The following DENND1A variants were observed in gnomAD, a reference collection of about 807,000 sequenced individuals.
DENND1A encodes DENN domain-containing protein 1A.
DENND1A carries 51 observed loss-of-function variants against 113.7 expected under a neutral mutation model. That is an observed-to-expected ratio of 0.45 (90% CI 0.36 to 0.57). The LOEUF (loss-of-function observed/expected upper bound fraction) is 0.57. Ranked by LOEUF, DENND1A falls within the 20% of genes least tolerant of loss-of-function variation. The pLI is 0.00. For synonymous variants in DENND1A, 565 were observed against 570.8 expected, an observed-to-expected ratio of 0.99 and a Z score of 0.14; for missense variants, 1,258 against 1,395.9, an observed-to-expected ratio of 0.90 and a Z score of 1.57.
intron 5 of DENND1A, among the ~76,000 whole-genome samples, chr9:123,741,220 T>G (rs975079128): frequency 1.3e-5 from 2 of 152,094 alleles, no homozygotes; most frequent in African/African-American, 4.8e-5. Context: ...TCTGCTAGAG[T>G]ATTTATGTTA....
intron 21 of DENND1A, among the ~76,000 whole-genome samples, chr9:123,391,489 A>C (rs4836922): frequency 0.03 from 4,524 of 152,282 alleles, 266 homozygotes; most frequent in East Asian, 0.18. Context: ...CACAGCAGCT[A>C]AAGGTAGAGC....
chr9:123,402,484 C>T (rs2131306151), intron 21 of DENND1A: 1 of 534,752 alleles, frequency 1.9e-6, no homozygotes, highest in Non-Finnish European at 3.8e-6. Flanking sequence ...ACCTTCTTTC[C>T]CATTTTCTGA....
chr9:123,503,630 C>T (rs2052676520), intron 13 of DENND1A, among the ~76,000 whole-genome samples: 1 of 152,156 alleles, frequency 6.6e-6, no homozygotes, highest in African/African-American at 2.4e-5. Context: ...TGAAATGTAC[C>T]CTGAAAAACT....
intron 13 of DENND1A, among the ~76,000 whole-genome samples, chr9:123,518,498 G>A (rs1460568493): frequency 6.6e-6 from 1 of 152,106 alleles, no homozygotes. Context: ...CCAGAATCCA[G>A]CTGTCCTACT....
intron 2 of DENND1A, among the ~76,000 whole-genome samples, chr9:123,814,966 T>C (rs1463572149): frequency 2.0e-5 from 3 of 152,268 alleles, no homozygotes; most frequent in Non-Finnish European, 2.9e-5. Context: ...ATAATTCCAA[T>C]GTTTGCTGAA....
intron 10 of DENND1A, among the ~76,000 whole-genome samples, chr9:123,629,033 G>C (rs756771640): frequency 6.6e-6 from 1 of 152,222 alleles, no homozygotes; most frequent in Non-Finnish European, 1.5e-5. Context: ...CTTGGGAAGA[G>C]GGTGAGCCCA....
chr9:123,749,507 A>G (rs539636703), intron 5 of DENND1A, among the ~76,000 whole-genome samples: 1 of 152,298 alleles, frequency 6.6e-6, no homozygotes, highest in East Asian at 1.9e-4. Flanking sequence ...TATCTCTCTC[A>G]GTCTCAATCC....
At chr9:123,692,465 T>C (rs572245188) in intron 5 of DENND1A, among the ~76,000 whole-genome samples, 2 of 152,312 alleles carry the variant, frequency 1.3e-5, no homozygotes, top group African/African-American at 4.8e-5. Context: ...AAAGACAGAA[T>C]GAAAGCAAAT....
intron 1 of DENND1A, among the ~76,000 whole-genome samples, chr9:123,882,964 A>G (rs1294744491): frequency 1.3e-5 from 2 of 152,128 alleles, no homozygotes; most frequent in Non-Finnish European, 2.9e-5. Context: ...GCCTCTGCCT[A>G]CCTGTCCAAC....
chr9:123,644,765 C>T (rs1283194412), intron 9 of DENND1A, among the ~76,000 whole-genome samples: 2 of 152,174 alleles, frequency 1.3e-5, no homozygotes, highest in Non-Finnish European at 2.9e-5. Flanking sequence ...TATTCATGGC[C>T]ACCTCTCCTA....
rs118050689 is a variant in DENND1A at position 123,874,273 on chromosome 9, T to C, written c.88+4678A>G. 1.0e-4 allele frequency among the ~76,000 whole-genome samples: 15 copies of C among 150,714 alleles called. No individual in the cohort carries two copies. In the East Asian group the frequency reaches 2.9e-3, roughly 29 times the overall value. On this transcript the variant is annotated intron_variant, in intron 2 of 23. Transcript: ENST00000394215. Reference sequence around the variant, plus strand: ...GTAGAGTAGGAAAATATTGATAAATTATACCATATTAAAACCAAGAAGTTT... The same window carrying C: ...GTAGAGTAGGAAAATATTGATAAATCATACCATATTAAAACCAAGAAGTTT...
At chr9:123,704,274 G>A (rs1395819666) in intron 5 of DENND1A, among the ~76,000 whole-genome samples, 2 of 152,322 alleles carry the variant, frequency 1.3e-5, no homozygotes, top group East Asian at 1.9e-4. Context: ...GGTCAGAGGT[G>A]AAAGGAGATA....
chr9:123,763,606 G>GT (rs1189851494), intron 4 of DENND1A, among the ~76,000 whole-genome samples: 2 of 152,092 alleles, frequency 1.3e-5, no homozygotes, highest in Non-Finnish European at 2.9e-5. Flanking sequence ...TAACACCATG[G>GT]TAAAGACTGG....
chr9:123,737,668 T>C (rs1036178543), intron 5 of DENND1A, among the ~76,000 whole-genome samples: 3 of 151,972 alleles, frequency 2.0e-5, no homozygotes, highest in African/African-American at 7.2e-5. Flanking sequence ...ATCCCCAAAA[T>C]GAAATTTCAA....
chr9:123,587,602 G>C (rs544175024), intron 11 of DENND1A, among the ~76,000 whole-genome samples: 1 of 152,258 alleles, frequency 6.6e-6, no homozygotes. Flanking sequence ...CTCCACAAGG[G>C]TCGTATTCCA....
At chr9:123,659,506 A>G (rs2063124410) in intron 8 of DENND1A, among the ~76,000 whole-genome samples, 1 of 152,232 alleles carries the variant, frequency 6.6e-6, no homozygotes, top group Admixed American at 6.5e-5. Flanking sequence ...CTCAGCCACA[A>G]CTCAGATCTC....
At chr9:123,863,778 C>G (rs1414192640) in intron 2 of DENND1A, among the ~76,000 whole-genome samples, 4 of 152,176 alleles carry the variant, frequency 2.6e-5, no homozygotes, top group African/African-American at 9.7e-5. Context: ...ATCTCTTTCA[C>G]CACACATATA....
intron 8 of DENND1A, among the ~76,000 whole-genome samples, chr9:123,653,910 A>C (rs952545320): frequency 6.6e-6 from 1 of 151,976 alleles, no homozygotes; most frequent in East Asian, 1.9e-4. Context: ...AAAAAAAAAA[A>C]AACTGGAGGC....
chr9:123,616,717 G>C (rs150596081), intron 10 of DENND1A, among the ~76,000 whole-genome samples: 367 of 152,270 alleles, frequency 2.4e-3, no homozygotes, highest in African/African-American at 8.6e-3. Flanking sequence ...GTGTCCACAG[G>C]AGAAAAATAA....
Sources: gnomAD v4.1 joint callset for allele counts (sites outside exome capture counted in the v4.1 genomes callset) on GRCh38, gnomAD v4.1.1 for gene constraint, MANE v1.5 for transcripts, NCBI Gene and HGNC (gene_info 2026-07-23, HGNC 2026-07-21) for gene names.